The following YJU2 variants were observed in gnomAD, a reference collection of about 807,000 sequenced individuals.
YJU2 encodes the protein splicing factor YJU2.
YJU2 carries 28 observed loss-of-function variants against 39.6 expected under a neutral mutation model. The ratio of observed to expected loss-of-function variants is 0.71; its 90% CI spans 0.52 to 0.97. The LOEUF is 0.97. Ranked by LOEUF, YJU2 falls within the 50% of genes least tolerant of loss-of-function variation. The probability of loss-of-function intolerance (pLI) is 0.00; values close to 1 mark genes in which losing one functional copy is unlikely to be tolerated. For synonymous variants in YJU2, 184 were observed against 182.4 expected (o/e 1.01, Z -0.07); for missense variants, 328 against 430.4 (o/e 0.76, Z 2.11).
chr19:4,258,365 C>G lies in YJU2; in HGVS notation c.529C>G (p.Arg177Gly). 1.9e-6 allele frequency: 3 copies of G among 1,597,014 alleles called. No individual in the cohort carries two copies. Among genetic ancestry groups the G allele is most frequent in the East Asian group, 4.5e-5 (2 of 44,218 alleles). Residue 177 changes from arginine to glycine, a missense_variant, in exon 5 of 8, where the codon CGC becomes GGC. Around this residue, in one of 2 missense-constraint regions of YJU2, gnomAD observed 244 missense variants for 264.6 expected, o/e 0.92. Coordinates refer to ENST00000262962, the MANE Select transcript of YJU2 (RefSeq NM_018074.6). ...VDFEAMLRQHRLSEEERRRQQ... is the reference protein window; with the variant it reads ...VDFEAMLRQHGLSEEERRRQQ... ...CTTCGAGGCTATGCTGAGGCAGCAC[C>G]GCCTGTCGGAGGAGGAGCGGCGGAG...
chr19:4,261,914 C>A, intron 5 of YJU2, 80 bp from the exon 6 acceptor site: 2 of 1,504,784 alleles, frequency 1.3e-6, no homozygotes, highest in Non-Finnish European at 1.8e-6. Context: ...GCACCCAGGC[C>A]CCTCGCCACC....
chr19:4,254,325 G>A (rs1310843492), intron 3 of YJU2, 30 bp from the exon 4 acceptor site: 1 of 1,556,138 alleles, frequency 6.4e-7, no homozygotes, highest in South Asian at 1.1e-5. Context: ...TGGGGATGTA[G>A]GAGCTGATGT....
intron 3 of YJU2, among the ~76,000 whole-genome samples, chr19:4,251,992 GA>G (rs367551718): frequency 0.034 from 4,930 of 144,704 alleles, 272 homozygotes; most frequent in African/African-American, 0.12. Flanking sequence ...GTCTCAAAAA[GA>G]AAAAAAAAAG....
rs57747753 is a variant in YJU2 at position 4,268,515 on chromosome 19, G to A, written c.860-69G>A. 1,368 of 1,130,504 alleles carry A rather than the reference G, an allele frequency of 1.2e-3. 8 individuals are homozygous for A. In the African/African-American group the frequency reaches 0.017, roughly 14 times the overall value. The allele number at this position is 1,130,504 out of a possible 1,614,324, so 70.0% of individuals were successfully genotyped here. A position where few individuals can be genotyped will look rare whatever the true frequency, so the allele number is the denominator to read the frequency against. On this transcript the variant is annotated intron_variant, in intron 7 of 7. Coordinates refer to ENST00000262962, the MANE Select transcript of YJU2 (RefSeq NM_018074.6). ...ACCTTGCAAACCTGCAGAGGTGGCCGGCCCCGTGCCTTGTCCCTGGCCTGT... is the reference window on the plus strand; with the variant it reads ...ACCTTGCAAACCTGCAGAGGTGGCCAGCCCCGTGCCTTGTCCCTGGCCTGT...
At chr19:4,257,543 G>A (rs1971031208) in intron 4 of YJU2, among the ~76,000 whole-genome samples, 1 of 152,060 alleles carries the variant, frequency 6.6e-6, no homozygotes, top group Non-Finnish European at 1.5e-5. Flanking sequence ...GTGCAATCTT[G>A]GTTCACTGCA....
rs1295797200 is a variant in YJU2 at position 4,247,471 on chromosome 19, G to A, written c.24+301G>A. 1.6e-5 allele frequency: 5 copies of A among 309,836 alleles called. No individual in the cohort carries two copies. The East Asian group carries it at 2.3e-4, about 14-fold the overall frequency. The allele number at this position is 309,836 out of a possible 1,614,324, so 19.2% of individuals were successfully genotyped here. A position where few individuals can be genotyped will look rare whatever the true frequency, so the allele number is the denominator to read the frequency against. ...TTCTGGGGGCGGGGCTTCCTTAAAT[G>A]CTGGCGGCCGTGTTTTGCCCTCTTC... is the stretch of plus-strand genomic sequence containing the variant. On this transcript the variant is annotated intron_variant, in intron 1 of 7. Coordinates refer to ENST00000262962, the MANE Select transcript of YJU2 (RefSeq NM_018074.6).
At chr19:4,257,602 T>C (rs1971031826) in intron 4 of YJU2, among the ~76,000 whole-genome samples, 1 of 152,176 alleles carries the variant, frequency 6.6e-6, no homozygotes, top group African/African-American at 2.4e-5. Flanking sequence ...GCCTCCCAAG[T>C]AGCTGGGATT....
chr19:4,266,485 A>T (rs1240702741), intron 6 of YJU2, among the ~76,000 whole-genome samples: 1 of 151,812 alleles, frequency 6.6e-6, no homozygotes, highest in African/African-American at 2.4e-5. Flanking sequence ...TCAATACCCA[A>T]TGCAAGACGC....
chr19:4,247,239 C>A, intron 1 of YJU2, 69 bp downstream of exon 1: 1 of 1,391,834 alleles, frequency 7.2e-7, no homozygotes, highest in Non-Finnish European at 1.0e-6. Flanking sequence ...GAGGGAGGAG[C>A]TTCCTGAGAT....
At chr19:4,253,237 A>ACAC (rs763726208) in intron 3 of YJU2, among the ~76,000 whole-genome samples, 2 of 147,068 alleles carry the variant, frequency 1.4e-5, no homozygotes, top group South Asian at 2.2e-4. Flanking sequence ...ACACACACAC[A>ACAC]AATTTTAATT....
chr19:4,255,332 C>T (rs990449800), intron 4 of YJU2, among the ~76,000 whole-genome samples: 3 of 152,034 alleles, frequency 2.0e-5, no homozygotes, highest in Admixed American at 1.3e-4. Context: ...ACCTGTAGTC[C>T]CAGCTACTTT....
At chr19:4,267,275 G>A (rs1971123058) in intron 6 of YJU2, among the ~76,000 whole-genome samples, 1 of 152,174 alleles carries the variant, frequency 6.6e-6, no homozygotes, top group African/African-American at 2.4e-5. Flanking sequence ...CAGAGGAGGG[G>A]TGTCTTGTGT....
In YJU2 at chr19:4,268,700, C is replaced by G. The variant is rs772044587; in HGVS notation, c.*4C>G. ...CGACAGCAACGGCAGCAACTGAGCC[C>G]TCCCAGGACCCCCTCACGGGGTCAA... On this transcript the variant is annotated 3_prime_UTR_variant, in exon 8 of 8. Transcript: ENST00000262962. The G allele has an allele frequency of 6.2e-7, 1 of 1,603,842 alleles. No individual in the cohort carries two copies.
intron 3 of YJU2, among the ~76,000 whole-genome samples, chr19:4,251,951 C>T (rs1158878452): frequency 1.3e-5 from 2 of 151,888 alleles, no homozygotes; most frequent in Admixed American, 1.3e-4. Flanking sequence ...TGCGCCATTG[C>T]ACTCCAGCCT....
At chr19:4,261,932 G>T in intron 5 of YJU2, 62 bp from the exon 6 acceptor site, 1 of 1,574,218 alleles carries the variant, frequency 6.4e-7, no homozygotes. Context: ...ACCCCAGCAG[G>T]TACATCCCAG....
intron 3 of YJU2, 30 bp downstream of exon 3, chr19:4,251,201 C>G: frequency 3.7e-6 from 6 of 1,608,778 alleles, no homozygotes; most frequent in Non-Finnish European, 5.1e-6. Flanking sequence ...AGGCCGGTCC[C>G]TCTCCCCCAG....
intron 4 of YJU2, among the ~76,000 whole-genome samples, chr19:4,257,244 C>T (rs1469678016): frequency 6.6e-6 from 1 of 152,030 alleles, no homozygotes; most frequent in Non-Finnish European, 1.5e-5. Context: ...AACCTCTTAG[C>T]CCAGGGCCCG....
chr19:4,262,164 C>T (rs1971076647), intron 6 of YJU2, 50 bp downstream of exon 6: 10 of 1,541,900 alleles, frequency 6.5e-6, no homozygotes, highest in Non-Finnish European at 8.7e-6. Flanking sequence ...CTAGGGACAA[C>T]TGAAGCCAGG....
chr19:4,267,364 G>C (rs1665388347), intron 6 of YJU2, among the ~76,000 whole-genome samples: 1 of 152,208 alleles, frequency 6.6e-6, no homozygotes, highest in Non-Finnish European at 1.5e-5. Flanking sequence ...GAATAGCATG[G>C]GTAAAGGCGT....
Sources: gnomAD v4.1 joint callset for allele counts (sites outside exome capture counted in the v4.1 genomes callset) on GRCh38, gnomAD v4.1.1 for gene constraint, gnomAD v4.1.1 regional missense constraint, MANE v1.5 for transcripts, NCBI Gene and HGNC (gene_info 2026-07-23, HGNC 2026-07-21) for gene names.